Variants in MRC2 observed in about 807,000 individuals in gnomAD.
The protein encoded by MRC2 is mannose receptor C-type 2.
Under a neutral mutation model 206.2 loss-of-function variants are expected in MRC2, and 84 were observed. That is an observed-to-expected ratio of 0.41 (90% CI 0.34 to 0.49). The LOEUF (loss-of-function observed/expected upper bound fraction) is 0.49, where lower values mean the gene tolerates loss of function less well. MRC2 is among the 20% of genes least tolerant of loss of function. The pLI is 0.31. For synonymous variants in MRC2, 798 were observed against 800.0 expected, an observed-to-expected ratio of 1.00 and a Z score of 0.04; for missense variants, 1,676 against 2,001.5, an observed-to-expected ratio of 0.84 and a Z score of 3.10.
intron 1 of MRC2, among the ~76,000 whole-genome samples, chr17:62,630,664 G>A (rs1261390129): frequency 6.6e-6 from 1 of 152,162 alleles, no homozygotes; most frequent in Non-Finnish European, 1.5e-5. Context: ...TGAGGGGATA[G>A]TTGCTGGGAA....
intron 1 of MRC2, among the ~76,000 whole-genome samples, chr17:62,631,261 G>A (rs576071122): frequency 9.9e-5 from 15 of 152,230 alleles, no homozygotes; most frequent in Admixed American, 2.6e-4. Context: ...CCACGGCTGC[G>A]CTGTGCATGT....
rs770969507 is a variant in MRC2 at position 62,692,094 on chromosome 17, C to T, written c.4193-18C>T. 1.2e-5 allele frequency: 20 copies of T among 1,614,108 alleles called. No homozygotes were observed. In the South Asian group the frequency reaches 1.9e-4, roughly 15 times the overall value. ...TGATCACTGCTATTATTAACTGGCC[C>T]CCTCCTCTTGCCCACAGCTGAGCAG... is the stretch of plus-strand genomic sequence containing the variant. On this transcript the variant is annotated intron_variant, in intron 28 of 29. Transcript: ENST00000303375. This position sits in a 1 kb window ranked among gnomAD's most constrained non-coding sequence, Gnocchi z 4.2.
intron 9 of MRC2, among the ~76,000 whole-genome samples, chr17:62,674,764 G>T (rs2088870452): frequency 6.6e-6 from 1 of 152,112 alleles, no homozygotes; most frequent in Admixed American, 6.5e-5. Flanking sequence ...CTGAGGGTGT[G>T]AGGGGGTGAC....
intron 11 of MRC2, 97 bp downstream of exon 11, chr17:62,676,628 GATC>G (rs1178316361): frequency 4.2e-6 from 6 of 1,435,008 alleles, no homozygotes; most frequent in Non-Finnish European, 5.6e-6. Flanking sequence ...CCCATAAACA[GATC>G]ATTGGTGCAC....
intron 11 of MRC2, 146 bp downstream of exon 11, chr17:62,676,677 C>A: frequency 1.0e-6 from 1 of 983,134 alleles, no homozygotes; most frequent in South Asian, 2.1e-5. Context: ...GCTCTGAAAC[C>A]AAACTGCCTG....
rs185663409 is a variant in MRC2 at position 62,664,438 on chromosome 17, G to C, written c.119-110G>C. On this transcript the variant is annotated intron_variant, in intron 1 of 29. Transcript: ENST00000303375. This position sits in a 1 kb window ranked among gnomAD's most constrained non-coding sequence, Gnocchi z 4.7. ...CGAGTGATTTAACGTATGAGTGACG[G>C]CTCACCATCCTGCACTGGGCACATG... 37 of 1,237,252 alleles carry C rather than the reference G, an allele frequency of 3.0e-5. No homozygotes were observed. In the African/African-American group the frequency reaches 4.0e-4, roughly 14 times the overall value. The allele number at this position is 1,237,252 out of a possible 1,614,324, so 76.6% of individuals were successfully genotyped here.
Position 62,680,661 on chromosome 17 carries a change from G to A in MRC2, c.2474-139G>A. ...AAGCCTGGGGCCTGGGGCCTGGCAC[G>A]GTGCCTGCCTGGGTCCGGTGTGCCT... On this transcript the variant is annotated intron_variant, in intron 16 of 29. Transcript: ENST00000303375. The surrounding 1 kb of genome is among the most constrained non-coding windows in gnomAD (Gnocchi z 4.8). 7.8e-7 allele frequency: 1 copy of A among 1,286,150 alleles called. No individual in the cohort carries two copies. Among genetic ancestry groups the A allele is most frequent in the Non-Finnish European group, 1.0e-6 (1 of 964,646 alleles). 79.7% of individuals were successfully genotyped at this position (1,286,150 alleles called of 1,614,324 possible). A position where few individuals can be genotyped will look rare whatever the true frequency, so the allele number is the denominator to read the frequency against.
intron 1 of MRC2, among the ~76,000 whole-genome samples, chr17:62,648,128 G>A (rs1300572930): frequency 6.6e-6 from 1 of 152,228 alleles, no homozygotes; most frequent in African/African-American, 2.4e-5. Context: ...AACAGGCCGG[G>A]CATAGTGGCT....
rs1022670352 is a variant in MRC2 at position 62,680,730 on chromosome 17, C to T, written c.2474-70C>T. 1 of 1,411,044 alleles carries T rather than the reference C, an allele frequency of 7.1e-7. No individual in the cohort carries two copies. The highest frequency in any genetic ancestry group is 9.2e-7 in the Non-Finnish European group (1 of 1,086,356). 87.4% of individuals were successfully genotyped at this position (1,411,044 alleles called of 1,614,324 possible). ...GCCTGGCTCTGCCCCGGCCCTGCCG[C>T]GCCCGCCTCCGGGGCCTGGCGTGCA... On this transcript the variant is annotated intron_variant, in intron 16 of 29. Coordinates refer to ENST00000303375, the MANE Select transcript of MRC2 (RefSeq NM_006039.5). The surrounding 1 kb of genome is among the most constrained non-coding windows in gnomAD (Gnocchi z 4.8).
Position 62,627,809 on chromosome 17 carries a change from C to T in MRC2, c.7C>T (p.Pro3Ser). 2 of 1,441,160 alleles carry T rather than the reference C, an allele frequency of 1.4e-6. No individual in the cohort carries two copies. The highest frequency in any genetic ancestry group is 3.0e-5 in the East Asian group (1 of 33,168). The allele number at this position is 1,441,160 out of a possible 1,614,324, so 89.3% of individuals were successfully genotyped here. A position where few individuals can be genotyped will look rare whatever the true frequency, so the allele number is the denominator to read the frequency against. MG[P>S]GRPAPAPWPR... The stretch of plus-strand genomic sequence containing the variant: ...CTGAGCGCCGCGCTCGGGGATGGGG[C>T]CCGGCCGGCCGGCCCCCGCGCCCTG... Residue 3 changes from proline to serine, a missense_variant, in exon 1 of 30, where the codon CCC becomes TCC. By Grantham distance (74) the Pro-to-Ser change is moderately conservative. Transcript: ENST00000303375.
intron 1 of MRC2, among the ~76,000 whole-genome samples, chr17:62,640,833 C>T (rs903691939): frequency 5.3e-5 from 8 of 151,688 alleles, no homozygotes; most frequent in South Asian, 2.1e-4. Context: ...TACAGGTGCC[C>T]GCCACCATGC....
Position 62,629,686 on chromosome 17 carries a change from G to A in MRC2, c.118+1766G>A, listed in dbSNP as rs568979467. Among the ~76,000 whole-genome samples, 6 of 152,346 alleles carry A rather than the reference G, an allele frequency of 3.9e-5. No individual in the cohort carries two copies. The South Asian group carries it at 1.2e-3, about 32-fold the overall frequency. On this transcript the variant is annotated intron_variant, in intron 1 of 29. Coordinates refer to ENST00000303375, the MANE Select transcript of MRC2 (RefSeq NM_006039.5). ...GCCAAATTCCACTGGGCCCTACCCT[G>A]GGAAGCCTGTTCAGAGCCTCTGGGC...
chr17:62,630,539 G>A (rs1009360763), intron 1 of MRC2, among the ~76,000 whole-genome samples: 3 of 152,198 alleles, frequency 2.0e-5, no homozygotes, highest in African/African-American at 7.2e-5. Flanking sequence ...CTTGCTGGCT[G>A]GGCCGGGGAG....
Position 62,678,515 on chromosome 17 carries a change from A to G in MRC2, c.2064A>G (p.Ser688=), listed in dbSNP as rs148227655. 1.9e-6 allele frequency: 3 copies of G among 1,612,588 alleles called. No homozygotes were observed. The highest frequency in any genetic ancestry group is 2.5e-6 in the Non-Finnish European group (3 of 1,179,480). The change falls in exon 13 of 30, where the codon TCA becomes TCG. Residue 688 remains serine (S), a synonymous_variant. Transcript: ENST00000303375. Reference sequence around the variant, plus strand: ...CTCTGCCCCTGCAGGTGTTCAGCTCAGAGCGGCTGCAGGACAAGAAGAGCT... The same window carrying G: ...CTCTGCCCCTGCAGGTGTTCAGCTCGGAGCGGCTGCAGGACAAGAAGAGCT... ...KLRYCYKVFS[S]ERLQDKKSWV...
intron 23 of MRC2, chr17:62,689,313 T>A (rs892619587): frequency 3.5e-6 from 2 of 579,266 alleles, no homozygotes; most frequent in Non-Finnish European, 6.1e-6. Context: ...TAGGAGGAGG[T>A]CAAGGCCCTC....
chr17:62,672,078 T>C lies in MRC2; in HGVS notation c.1387T>C (p.Phe463Leu). Residue 463 changes from phenylalanine to leucine, a missense_variant, in exon 8 of 30, where the codon TTC (phenylalanine) becomes CTC (leucine). Phe to Leu is a conservative substitution (Grantham distance 22). Transcript: ENST00000303375. This position sits in a 1 kb window ranked among gnomAD's most constrained non-coding sequence, Gnocchi z 4.5. Reference protein sequence around the residue: ...FEWSDGSLVSFTHWHPFEPNN... With the variant: ...FEWSDGSLVSLTHWHPFEPNN... ...GTGGTCTGACGGGAGCCTTGTGAGC[T>C]TCACCCACTGGCACCCCTTTGAGCC... 1 of 1,614,124 alleles carries C rather than the reference T, an allele frequency of 6.2e-7. No individual in the cohort carries two copies. Among genetic ancestry groups the C allele is most frequent in the Non-Finnish European group, 8.5e-7 (1 of 1,180,040 alleles).
At chr17:62,637,481 A>C (rs1181034216) in intron 1 of MRC2, among the ~76,000 whole-genome samples, 1 of 151,272 alleles carries the variant, frequency 6.6e-6, no homozygotes, top group Non-Finnish European at 1.5e-5. Flanking sequence ...GGTTGCAGTG[A>C]GCTGAGATCA....
In MRC2 at chr17:62,691,771, CAAAAAAAAAAA is replaced by C. The variant is rs549279909; in HGVS notation, c.4193-328_4193-318del. On this transcript the variant is annotated intron_variant, in intron 28 of 29. Transcript: ENST00000303375. ...GGGCAACACAGCAAGACCCTGTCTC[CAAAAAAAAAAA>C]AAAAAAAAAAAAGTCCCGACCTCCT... 4.4e-3 allele frequency among the ~76,000 whole-genome samples: 291 copies of C among 65,930 alleles called. 2 individuals are homozygous for C. Among genetic ancestry groups the C allele is most frequent in the African/African-American group, 0.016 (265 of 16,652 alleles). The allele number at this position is 65,930 out of a possible 152,430, so 43.3% of individuals were successfully genotyped here.
intron 6 of MRC2, among the ~76,000 whole-genome samples, chr17:62,668,908 A>C (rs2088791032): frequency 2.0e-5 from 3 of 152,026 alleles, no homozygotes; most frequent in African/African-American, 7.2e-5. Context: ...TTGCAAATGG[A>C]GAATGAAGCC....
Sources: gnomAD v4.1 joint callset for allele counts (sites outside exome capture counted in the v4.1 genomes callset) on GRCh38, gnomAD v4.1.1 for gene constraint, Gnocchi (gnomAD v3.1) non-coding constraint, MANE v1.5 for transcripts, NCBI Gene and HGNC (gene_info 2026-07-23, HGNC 2026-07-21) for gene names.